ARHGEF3: variants seen among roughly 807,000 people sequenced by gnomAD.
The protein encoded by ARHGEF3 is 59.8 kDA protein.
In ARHGEF3, 28 loss-of-function variants were observed where a neutral mutation model predicts 63.2. The observed-to-expected ratio is 0.44, with a 90% confidence interval of 0.33 to 0.61. The LOEUF is 0.61. Among genes scored for constraint, ARHGEF3 ranks in the 20% least tolerant of loss-of-function variants. The pLI, the probability that ARHGEF3 is intolerant of heterozygous loss-of-function variation, is 0.03. For synonymous variants in ARHGEF3, 266 were observed against 254.2 expected (o/e 1.05, Z -0.44); for missense variants, 533 against 659.3 (o/e 0.81, Z 2.10).
chr3:56,763,148 G>A (rs1337676532), intron 2 of ARHGEF3, among the ~76,000 whole-genome samples: 1 of 152,104 alleles, frequency 6.6e-6, no homozygotes, highest in Non-Finnish European at 1.5e-5. Flanking sequence ...ATCTCTCTGG[G>A]TCTCAGTTTC....
chr3:57,060,208 G>C (rs1264638470), intron 1 of ARHGEF3, among the ~76,000 whole-genome samples: 1 of 151,712 alleles, frequency 6.6e-6, no homozygotes, highest in Non-Finnish European at 1.5e-5. Flanking sequence ...AGTCCCTGTG[G>C]GAGGATCTCT....
At chr3:56,894,627 C>T (rs1362588447) in intron 3 of ARHGEF3, among the ~76,000 whole-genome samples, 1 of 152,184 alleles carries the variant, frequency 6.6e-6, no homozygotes, top group Non-Finnish European at 1.5e-5. Flanking sequence ...CTATCTCTTT[C>T]TCTCTTTTTT....
At chr3:56,730,388 CTTTTTTTTTTT>C (rs66881414) in intron 9 of ARHGEF3, among the ~76,000 whole-genome samples, 26,124 of 137,356 alleles carry the variant, frequency 0.19, 2,476 homozygotes, top group South Asian at 0.41. Flanking sequence ...TTTATTTAAT[CTTTTTTTTTTT>C]TTTTTTTTGA....
chr3:57,039,042 G>A (rs4681944), intron 1 of ARHGEF3, among the ~76,000 whole-genome samples: 74,483 of 151,970 alleles, frequency 0.49, 18,336 homozygotes, highest in East Asian at 0.63. Flanking sequence ...GCGCTGTTCT[G>A]ACTCTTCAGA....
chr3:56,979,912 G>C (rs1350064093), intron 2 of ARHGEF3, among the ~76,000 whole-genome samples: 1 of 152,158 alleles, frequency 6.6e-6, no homozygotes, highest in Admixed American at 6.5e-5. Context: ...TTTCTGCAGT[G>C]AGACTACTGA....
chr3:56,880,169 A>C (rs2040719364), intron 4 of ARHGEF3, among the ~76,000 whole-genome samples: 1 of 152,228 alleles, frequency 6.6e-6, no homozygotes, highest in South Asian at 2.1e-4. Context: ...TTCAGGAAAA[A>C]TGCCAGGTAA....
intron 3 of ARHGEF3, among the ~76,000 whole-genome samples, chr3:56,924,530 C>T (rs1452774701): frequency 6.6e-6 from 1 of 152,210 alleles, no homozygotes; most frequent in African/African-American, 2.4e-5. Flanking sequence ...AGAATGGCTA[C>T]TCCATAGACG....
At chr3:57,010,180 C>T (rs558470106) in intron 2 of ARHGEF3, among the ~76,000 whole-genome samples, 4 of 152,250 alleles carry the variant, frequency 2.6e-5, no homozygotes, top group East Asian at 1.9e-4. Context: ...GTGGGCCGGG[C>T]GTGGTGGCTC....
At chr3:57,039,911 C>A (rs569711933) in intron 1 of ARHGEF3, among the ~76,000 whole-genome samples, 1 of 152,256 alleles carries the variant, frequency 6.6e-6, no homozygotes, top group Non-Finnish European at 1.5e-5. Flanking sequence ...GTAACACAGT[C>A]CCAGGTATTA....
intron 4 of ARHGEF3, among the ~76,000 whole-genome samples, chr3:56,845,852 A>T (rs909141599): frequency 6.6e-6 from 1 of 152,264 alleles, no homozygotes; most frequent in East Asian, 1.9e-4. Flanking sequence ...GGTGTCTGGT[A>T]GAACACAAAC....
chr3:56,862,876 C>T (rs1021163107), intron 4 of ARHGEF3, among the ~76,000 whole-genome samples: 4 of 152,170 alleles, frequency 2.6e-5, no homozygotes, highest in African/African-American at 9.7e-5. Context: ...TGGGCTGATT[C>T]ATTAGAATTC....
intron 4 of ARHGEF3, among the ~76,000 whole-genome samples, chr3:56,839,262 T>C (rs1326581603): frequency 6.6e-6 from 1 of 152,220 alleles, no homozygotes; most frequent in Non-Finnish European, 1.5e-5. Context: ...ATTATATATA[T>C]ATATTCTTGT....
chr3:56,827,832 G>A (rs1474635687), intron 4 of ARHGEF3, among the ~76,000 whole-genome samples: 1 of 145,944 alleles, frequency 6.9e-6, no homozygotes, highest in Non-Finnish European at 1.5e-5. Flanking sequence ...CAGCAACTTT[G>A]GAGGCTGAGG....
At chr3:57,011,690 C>T (rs780255015) in intron 2 of ARHGEF3, among the ~76,000 whole-genome samples, 7 of 152,150 alleles carry the variant, frequency 4.6e-5, no homozygotes, top group Non-Finnish European at 1.0e-4. Context: ...AGAAAGGTGT[C>T]CTAATACTAT....
chr3:56,732,325 C>T lies in ARHGEF3; in HGVS notation c.1141G>A (p.Val381Met), dbSNP rs114527102. ...CYQLYRQPIP[V>M]KDLLLEDLQD... is the part of the protein sequence containing the mutation. ...AGGTCTTCCAGCAGGAGGTCTTTCA[C>T]GGGGATTGGCTGACGGTACAGCTGG... The change falls in exon 9 of 10, where the codon GTG becomes ATG. Residue 381 changes from valine (V) to methionine (M), a missense_variant. By Grantham distance (21) the Val-to-Met change is conservative. Around this residue, in one of 4 missense-constraint regions of ARHGEF3, gnomAD observed 151 missense variants for 190.7 expected, o/e 0.79. Transcript: ENST00000296315. The T allele has an allele frequency of 5.4e-4, 866 of 1,614,170 alleles. 10 individuals carry two copies. In the African/African-American group the frequency reaches 0.01, roughly 19 times the overall value.
At chr3:56,969,471 A>G (rs1438851503) in intron 2 of ARHGEF3, among the ~76,000 whole-genome samples, 1 of 152,110 alleles carries the variant, frequency 6.6e-6, no homozygotes, top group Middle Eastern at 3.2e-3. Context: ...TAATAACCCT[A>G]TTGAAAAGGT....
upstream of ARHGEF3, among the ~76,000 whole-genome samples, chr3:56,806,519 T>TGTTCCTTGCCAGC (rs2037867297): frequency 6.6e-6 from 1 of 152,260 alleles, no homozygotes; most frequent in South Asian, 2.1e-4. Context: ...AGCCGGGCAG[T>TGTTCCTTGCCAGC]GTTCCTTGCC....
At chr3:57,073,454 T>C (rs1579225380) in intron 1 of ARHGEF3, 2 of 502,588 alleles carry the variant, frequency 4.0e-6, no homozygotes, top group East Asian at 6.8e-5. Context: ...AGCTTCCAAG[T>C]AGTGGAAACA....
intron 1 of ARHGEF3, among the ~76,000 whole-genome samples, chr3:57,066,040 CA>C (rs59510971): frequency 0.028 from 3,550 of 127,312 alleles, 115 homozygotes; most frequent in African/African-American, 0.092. Flanking sequence ...GTCTCCAAAA[CA>C]AAAAAAAAAA....
Sources: gnomAD v4.1 joint callset for allele counts (sites outside exome capture counted in the v4.1 genomes callset) on GRCh38, gnomAD v4.1.1 for gene constraint, gnomAD v4.1.1 regional missense constraint, MANE v1.5 for transcripts, NCBI Gene and HGNC (gene_info 2026-07-23, HGNC 2026-07-21) for gene names.